LPAR3: variants seen among roughly 807,000 people sequenced by gnomAD.
LPAR3 encodes the protein LPA receptor 3.
Under a neutral mutation model 17.8 loss-of-function variants are expected in LPAR3, and 7 were observed. The observed-to-expected ratio is 0.39, with a 90% CI of 0.22 to 0.74. The LOEUF (loss-of-function observed/expected upper bound fraction) is 0.74, where lower values mean the gene tolerates loss of function less well. LPAR3 is among the 30% of genes least tolerant of loss of function. The pLI is 0.40. For synonymous variants in LPAR3, 179 were observed against 179.9 expected, an observed-to-expected ratio of 0.99 and a Z score of 0.04; for missense variants, 391 against 453.4, an observed-to-expected ratio of 0.86 and a Z score of 1.25.
rs115175818 is a variant in LPAR3, at chr1:84,855,456, G to A, written c.736+9929C>T. 3.4e-3 allele frequency among the ~76,000 whole-genome samples: 510 copies of A among 152,228 alleles called. 2 individuals carry two copies. Among genetic ancestry groups the A allele is most frequent in the African/African-American group, 0.011 (465 of 41,546 alleles). On this transcript the variant is annotated intron_variant, in intron 2 of 2. Transcript: ENST00000370611. ...GTTGGCAGGAGGGTTGGATGTAGTT[G>A]GGTACTGGAACCTCTCCCTATACCT...
At position 84,865,561 on chromosome 1, in the gene LPAR3, TA is replaced by T. The variant is rs761002684; in HGVS notation, c.559del (p.Tyr187ThrfsTer49). On this transcript the variant is annotated frameshift_variant, in exon 2 of 3. Coordinates refer to ENST00000370611, the MANE Select transcript of LPAR3 (RefSeq NM_012152.3). LOFTEE classifies it high-confidence loss of function. ...GTTGGACACTGTCCAGAAAACAAGG[TA>T]ACTCCTGCTGTAAATGGGGGCCAGG... ...SSLAPIYSRS[Y>X]LVFWTVSNLM... The T allele has an allele frequency of 5.0e-6, 8 of 1,614,142 alleles. No individual in the cohort carries two copies. The highest frequency in any genetic ancestry group is 1.6e-4 in the Middle Eastern group (1 of 6,062).
At chr1:84,843,230 C>T (rs959980857) in intron 2 of LPAR3, among the ~76,000 whole-genome samples, 1 of 152,164 alleles carries the variant, frequency 6.6e-6, no homozygotes, top group African/African-American at 2.4e-5. Context: ...CCTCTTTTGC[C>T]CTCCACACAG....
At chr1:84,882,742 T>C (rs1660389234) in intron 1 of LPAR3, among the ~76,000 whole-genome samples, 1 of 152,224 alleles carries the variant, frequency 6.6e-6, no homozygotes, top group Admixed American at 6.5e-5. Flanking sequence ...AAAGATAGTC[T>C]CTTCAACAAA....
At chr1:84,862,247 C>T (rs1193505910) in intron 2 of LPAR3, among the ~76,000 whole-genome samples, 7 of 152,172 alleles carry the variant, frequency 4.6e-5, no homozygotes, top group Non-Finnish European at 1.0e-4. Context: ...GGGGAAATGC[C>T]GATTAATGTG....
chr1:84,814,559 C>T (rs1658896180), intron 2 of LPAR3, among the ~76,000 whole-genome samples: 2 of 152,190 alleles, frequency 1.3e-5, no homozygotes, highest in South Asian at 4.1e-4. Context: ...AGGCCCAATT[C>T]TAGGGGGAGA....
At chr1:84,824,452 T>C (rs1005063399) in intron 2 of LPAR3, among the ~76,000 whole-genome samples, 2 of 152,132 alleles carry the variant, frequency 1.3e-5, no homozygotes, top group African/African-American at 4.8e-5. Context: ...GGCAATCAAA[T>C]AGAATCAGCC....
intron 1 of LPAR3, among the ~76,000 whole-genome samples, chr1:84,870,317 T>C (rs1206817441): frequency 6.6e-6 from 1 of 152,224 alleles, no homozygotes; most frequent in East Asian, 1.9e-4. Context: ...TGCTTAAGAA[T>C]TTATTGTCCA....
intron 2 of LPAR3, among the ~76,000 whole-genome samples, chr1:84,818,050 G>T (rs931720371): frequency 2.6e-5 from 4 of 152,100 alleles, no homozygotes; most frequent in African/African-American, 9.7e-5. Flanking sequence ...TCCACTGATC[G>T]GCTGTGTGCC....
chr1:84,835,682 A>C (rs1460089592), intron 2 of LPAR3, among the ~76,000 whole-genome samples: 6 of 152,208 alleles, frequency 3.9e-5, no homozygotes. Flanking sequence ...TATTTTGCTC[A>C]AAAAATATAG....
At chr1:84,859,517 G>A (rs551027547) in intron 2 of LPAR3, among the ~76,000 whole-genome samples, 11 of 152,194 alleles carry the variant, frequency 7.2e-5, no homozygotes, top group African/African-American at 2.6e-4. Flanking sequence ...TTTTTCAAAC[G>A]TTCTTGACGA....
chr1:84,839,635 C>A (rs1255378286), intron 2 of LPAR3, among the ~76,000 whole-genome samples: 1 of 151,992 alleles, frequency 6.6e-6, no homozygotes, highest in East Asian at 1.9e-4. Context: ...CACTGCACTC[C>A]AGCCTGGATG....
At chr1:84,828,094 G>A (rs934237706) in intron 2 of LPAR3, among the ~76,000 whole-genome samples, 1 of 152,030 alleles carries the variant, frequency 6.6e-6, no homozygotes, top group Non-Finnish European at 1.5e-5. Flanking sequence ...GGACACTACC[G>A]GGAAAACACA....
At chr1:84,880,794 C>T (rs1660350858) in intron 1 of LPAR3, among the ~76,000 whole-genome samples, 1 of 152,218 alleles carries the variant, frequency 6.6e-6, no homozygotes, top group Non-Finnish European at 1.5e-5. Flanking sequence ...AAGGAGTACA[C>T]ACTTTCCACA....
intron 1 of LPAR3, among the ~76,000 whole-genome samples, chr1:84,876,656 C>A (rs189021366): frequency 2.6e-5 from 4 of 152,180 alleles, no homozygotes; most frequent in African/African-American, 7.2e-5. Flanking sequence ...CCCTCCCCGC[C>A]GCTCCGGTTA....
At chr1:84,817,291 AC>A (rs11473797) in intron 2 of LPAR3, among the ~76,000 whole-genome samples, 4 of 144,686 alleles carry the variant, frequency 2.8e-5, no homozygotes, top group Admixed American at 1.4e-4. Context: ...ACACACACAC[AC>A]CCCTCACTTT....
chr1:84,867,659 G>C (rs17116739), intron 1 of LPAR3, among the ~76,000 whole-genome samples: 2,471 of 151,904 alleles, frequency 0.016, 70 homozygotes, highest in African/African-American at 0.056. Context: ...AAAAAACTGG[G>C]AGTAGTCTCA....
At chr1:84,877,428 A>G (rs541131073) in intron 1 of LPAR3, among the ~76,000 whole-genome samples, 1 of 152,362 alleles carries the variant, frequency 6.6e-6, no homozygotes, top group South Asian at 2.1e-4. Context: ...CTCTGGGGAC[A>G]TAAGTCAGAC....
At chr1:84,836,679 C>T (rs537109931) in intron 2 of LPAR3, among the ~76,000 whole-genome samples, 2 of 152,268 alleles carry the variant, frequency 1.3e-5, no homozygotes, top group African/African-American at 4.8e-5. Flanking sequence ...CTGAGATGGC[C>T]TTTCAGGAAG....
chr1:84,892,214 A>AAAAT (rs71097866), intron 1 of LPAR3, among the ~76,000 whole-genome samples: 20,610 of 135,328 alleles, frequency 0.15, 1,638 homozygotes, highest in Middle Eastern at 0.18. Flanking sequence ...CTGTGTCTCA[A>AAAAT]AAATAAATAA....
Sources: allele counts gnomAD v4.1 joint callset (sites outside exome capture counted in the v4.1 genomes callset), GRCh38; gene constraint gnomAD v4.1.1; transcripts MANE v1.5; gene names NCBI Gene and HGNC (gene_info 2026-07-23, HGNC 2026-07-21).